ALOX5: variants seen among roughly 807,000 people sequenced by gnomAD.
The protein encoded by ALOX5 is arachidonate 5-lipoxygenase.
ALOX5 carries 64 observed loss-of-function variants against 87.9 expected under a neutral mutation model. That is an observed-to-expected ratio of 0.73 (90% confidence interval 0.60 to 0.90). The LOEUF is 0.90. Ranked by LOEUF, ALOX5 falls within the 40% of genes least tolerant of loss-of-function variation. The pLI is 0.00. For synonymous variants in ALOX5, 388 were observed against 355.1 expected (o/e 1.09, Z -1.04); for missense variants, 822 against 907.5 (o/e 0.91, Z 1.21).
chr10:45,418,402 G>GATTAAA (rs1841375091), intron 4 of ALOX5, among the ~76,000 whole-genome samples: 2 of 152,124 alleles, frequency 1.3e-5, no homozygotes, highest in African/African-American at 4.8e-5. Context: ...ATTAAAATGG[G>GATTAAA]ATCGCACACA....
In ALOX5 at chr10:45,374,445, G is replaced by A. The variant is rs772593707; in HGVS notation, c.150+16G>A. ...GCGTGGCGCGGTGAGCGCGGGCGGG[G>A]CACGGGTGGAGCGCGGGCTGAGGTG... On this transcript the variant is annotated intron_variant, in intron 1 of 13. Transcript: ENST00000374391. 4 of 1,537,028 alleles carry A rather than the reference G, an allele frequency of 2.6e-6. No individual in the cohort carries two copies. The South Asian group carries it at 3.7e-5, about 14-fold the overall frequency.
intron 9 of ALOX5, 58 bp downstream of exon 9, chr10:45,441,488 TCCCTATCTGAGATCTAGACA>T: frequency 6.5e-7 from 1 of 1,530,928 alleles, no homozygotes; most frequent in South Asian, 1.1e-5. Flanking sequence ...CCGCCTTCAC[TCCCTATCTGAGATCTAGACA>T]CCCTTTCAGG....
chr10:45,427,861 A>G (rs1841777587), intron 6 of ALOX5, among the ~76,000 whole-genome samples: 1 of 152,060 alleles, frequency 6.6e-6, no homozygotes, highest in Non-Finnish European at 1.5e-5. Context: ...GTTGACTCCT[A>G]CAGCAAAGGG....
intron 3 of ALOX5, among the ~76,000 whole-genome samples, chr10:45,406,923 GT>G (rs528600199): frequency 4.9e-4 from 74 of 152,130 alleles, no homozygotes; most frequent in African/African-American, 1.1e-3. Context: ...TCATATTTTT[GT>G]TTCTTTGTTT....
intron 7 of ALOX5, among the ~76,000 whole-genome samples, chr10:45,433,311 A>G (rs1841967059): frequency 6.6e-6 from 1 of 152,186 alleles, no homozygotes; most frequent in African/African-American, 2.4e-5. Context: ...CAGATCCCAC[A>G]GCGCCTGCTG....
chr10:45,422,889 C>G (rs1489119279), intron 4 of ALOX5, among the ~76,000 whole-genome samples: 1 of 152,210 alleles, frequency 6.6e-6, no homozygotes, highest in Non-Finnish European at 1.5e-5. Context: ...TGAGGGCCCT[C>G]TTCCCAGCTT....
At position 45,374,507 on chromosome 10, in the gene ALOX5, G is replaced by A. The variant is rs758531472; in HGVS notation, c.150+78G>A. On this transcript the variant is annotated intron_variant, in intron 1 of 13. Coordinates refer to ENST00000374391, the MANE Select transcript of ALOX5 (RefSeq NM_000698.5). ...CGGTTTGGACGGCAGAGGCCTGGGC[G>A]GGGGCGCCGAGGGCCCGTCGGGGCG... The A allele has an allele frequency of 2.7e-4, 364 of 1,332,786 alleles. 1 individual carries two copies. The highest frequency in any genetic ancestry group is 1.4e-3 in the Admixed American group (37 of 26,774). 82.6% of individuals were successfully genotyped at this position (1,332,786 alleles called of 1,614,324 possible). A position where few individuals can be genotyped will look rare whatever the true frequency, so the allele number is the denominator to read the frequency against.
At chr10:45,412,730 G>A (rs190545473) in intron 4 of ALOX5, among the ~76,000 whole-genome samples, 59 of 152,226 alleles carry the variant, frequency 3.9e-4, no homozygotes, top group African/African-American at 1.4e-3. Flanking sequence ...CTGTTCCTCC[G>A]TCACAACCCC....
chr10:45,439,625 T>C (rs1017185286), intron 7 of ALOX5, among the ~76,000 whole-genome samples: 2 of 152,152 alleles, frequency 1.3e-5, no homozygotes, highest in African/African-American at 4.8e-5. Context: ...TGGGTGCTGG[T>C]GTGGGGGCAC....
At chr10:45,407,307 C>CT (rs1285027292) in intron 3 of ALOX5, among the ~76,000 whole-genome samples, 1 of 152,110 alleles carries the variant, frequency 6.6e-6, no homozygotes, top group Non-Finnish European at 1.5e-5. Context: ...CTCTCTGCAT[C>CT]TCTTTCCTTC....
Position 45,382,502 on chromosome 10 carries a change from C to G in ALOX5, c.170C>G (p.Thr57Ser). The G allele has an allele frequency of 2.5e-6, 4 of 1,614,242 alleles. No individual in the cohort carries two copies. The highest frequency in any genetic ancestry group is 3.4e-6 in the Non-Finnish European group (4 of 1,180,048). Residue 57 changes from threonine to serine, a missense_variant, in exon 2 of 14, where the codon ACT becomes AGT. Thr to Ser is a moderately conservative substitution (Grantham distance 58). Transcript: ENST00000374391. ...TCCCAGGTGGATTCATACGACGTGACTGTGGACGAGGAACTGGGCGAGATC... is the reference window on the plus strand; with the variant it reads ...TCCCAGGTGGATTCATACGACGTGAGTGTGGACGAGGAACTGGGCGAGATC... ...ERGAVDSYDV[T>S]VDEELGEIQL...
At chr10:45,442,368 C>A (rs963792355) in intron 9 of ALOX5, among the ~76,000 whole-genome samples, 1 of 152,352 alleles carries the variant, frequency 6.6e-6, no homozygotes, top group South Asian at 2.1e-4. Flanking sequence ...TCTGGTTGGT[C>A]CTGCTTGGGC....
At chr10:45,376,381 A>C (rs1326131193) in intron 1 of ALOX5, among the ~76,000 whole-genome samples, 1 of 152,146 alleles carries the variant, frequency 6.6e-6, no homozygotes, top group Non-Finnish European at 1.5e-5. Flanking sequence ...GGAACCAGCT[A>C]AGGCTGAAAG....
At chr10:45,442,208 C>T (rs1842258218) in intron 9 of ALOX5, among the ~76,000 whole-genome samples, 1 of 152,242 alleles carries the variant, frequency 6.6e-6, no homozygotes, top group East Asian at 1.9e-4. Flanking sequence ...CTCTTTCTGT[C>T]TCTTTCACCT....
intron 1 of ALOX5, among the ~76,000 whole-genome samples, chr10:45,375,088 T>C (rs1839549535): frequency 6.6e-6 from 1 of 152,108 alleles, no homozygotes; most frequent in South Asian, 2.1e-4. Flanking sequence ...AGACGGCACC[T>C]GGGCAGCTTA....
chr10:45,444,205 C>A lies in ALOX5; in HGVS notation c.1764C>A (p.Ile588=). The A allele has an allele frequency of 6.4e-7, 1 of 1,555,768 alleles. No individual in the cohort carries two copies. The highest frequency in any genetic ancestry group is 8.7e-7 in the Non-Finnish European group (1 of 1,149,652). ...TAKGVVTIEQ[I]VDTLPDRGRS... ...AGGGCGTGGTGACCATTGAGCAGAT[C>A]GTGGACACGCTGCCCGACCGCGGCC... The change falls in exon 13 of 14, where the codon ATC becomes ATA. Residue 588 remains isoleucine, a synonymous_variant. Transcript: ENST00000374391.
intron 2 of ALOX5, among the ~76,000 whole-genome samples, chr10:45,390,951 T>A (rs749785276): frequency 3.6e-4 from 55 of 150,938 alleles, no homozygotes; most frequent in Non-Finnish European, 6.0e-4. Context: ...CTAGCAAGAC[T>A]AATAAAGAAG....
At chr10:45,434,438 G>A (rs4436496) in intron 7 of ALOX5, among the ~76,000 whole-genome samples, 1 of 152,252 alleles carries the variant, frequency 6.6e-6, no homozygotes, top group East Asian at 1.9e-4. Flanking sequence ...GAAGGCAGAA[G>A]AGGATTGAGT....
At chr10:45,379,999 G>A (rs1004494470) in intron 1 of ALOX5, among the ~76,000 whole-genome samples, 4 of 152,106 alleles carry the variant, frequency 2.6e-5, no homozygotes, top group African/African-American at 9.7e-5. Flanking sequence ...AGGGCCTGGC[G>A]TGGGGCAGGC....
Sources: gnomAD v4.1 joint callset for allele counts (sites outside exome capture counted in the v4.1 genomes callset) on GRCh38, gnomAD v4.1.1 for gene constraint, MANE v1.5 for transcripts, NCBI Gene and HGNC (gene_info 2026-07-23, HGNC 2026-07-21) for gene names.